Variants in DAB1 observed in about 807,000 individuals in gnomAD.
DAB1 encodes the protein DAB adaptor protein 1.
A neutral mutation model predicts 64.6 loss-of-function variants in DAB1; 15 were observed. The ratio of observed to expected loss-of-function variants is 0.23; its 90% CI spans 0.16 to 0.36. The LOEUF (loss-of-function observed/expected upper bound fraction) is 0.36. Among genes scored for constraint, DAB1 ranks in the 10% least tolerant of loss-of-function variants. DAB1 has a pLI of 1.00. For synonymous variants in DAB1, 235 were observed against 251.9 expected (o/e 0.93, Z 0.64); for missense variants, 596 against 706.7 (o/e 0.84, Z 1.78).
intron 1 of DAB1, among the ~76,000 whole-genome samples, chr1:57,851,164 T>C (rs1276248682): frequency 1.3e-5 from 2 of 152,210 alleles, no homozygotes; most frequent in Admixed American, 1.3e-4. Flanking sequence ...ATGGGTCAAA[T>C]CGAGGGTCTG....
At chr1:57,400,976 G>A (rs1452741578) in intron 1 of DAB1, among the ~76,000 whole-genome samples, 3 of 146,074 alleles carry the variant, frequency 2.1e-5, no homozygotes, top group Non-Finnish European at 3.0e-5. Context: ...CCAGTGAGAA[G>A]GGTGAAAGCT....
chr1:58,507,717 A>C (rs1234828675), intron 2 of DAB1, among the ~76,000 whole-genome samples: 1 of 152,136 alleles, frequency 6.6e-6, no homozygotes, highest in Non-Finnish European at 1.5e-5. Context: ...ATATGTATGT[A>C]ACATATGTAT....
At chr1:58,211,735 T>C (rs1658560866) in intron 4 of DAB1, among the ~76,000 whole-genome samples, 1 of 152,190 alleles carries the variant, frequency 6.6e-6, no homozygotes, top group Non-Finnish European at 1.5e-5. Context: ...TTCTCCTTTT[T>C]TGGATAAAAA....
At position 58,387,719 on chromosome 1, in the gene DAB1, TTTC is replaced by T. The variant is rs1215127062; in HGVS notation, n.258-44319_258-44317del. Among the ~76,000 whole-genome samples, 394 of 86,700 alleles carry T rather than the reference TTTC, an allele frequency of 4.5e-3. 8 individuals are homozygous for T. Among genetic ancestry groups the T allele is most frequent in the African/African-American group, 0.019 (312 of 16,688 alleles). 56.9% of individuals were successfully genotyped at this position (86,700 alleles called of 152,430 possible). On this transcript the variant is annotated intron_variant and non_coding_transcript_variant, in intron 3 of 20. Transcript: ENST00000485760. ...GGGAGGGCATCTTTTTTTCTTTTCT[TTTC>T]TTTTTTTTTTTTTTTTTTTTGAGAC...
intron 14 of DAB1, among the ~76,000 whole-genome samples, chr1:57,009,604 C>T (rs1646201679): frequency 6.6e-6 from 1 of 152,124 alleles, no homozygotes; most frequent in Admixed American, 6.5e-5. Context: ...AAACTGTTTA[C>T]CATTTTAATG....
chr1:57,014,326 G>C (rs1646356393), intron 12 of DAB1, among the ~76,000 whole-genome samples: 1 of 152,148 alleles, frequency 6.6e-6, no homozygotes, highest in African/African-American at 2.4e-5. Context: ...AACTATAAAA[G>C]CTATTTAAGA....
intron 5 of DAB1, chr1:58,049,225 A>C (rs1431402778): frequency 2.6e-6 from 2 of 766,598 alleles, no homozygotes; most frequent in African/African-American, 3.4e-5. Flanking sequence ...GTGGTGTCAA[A>C]GCTCAGCCCT....
intron 4 of DAB1, among the ~76,000 whole-genome samples, chr1:57,098,403 G>T (rs1301518623): frequency 1.3e-5 from 2 of 152,140 alleles, no homozygotes; most frequent in African/African-American, 2.4e-5. Context: ...ACTCATAAGG[G>T]TTCAGGTAGA....
chr1:57,247,559 T>A (rs1668980058), intron 2 of DAB1, among the ~76,000 whole-genome samples: 1 of 152,184 alleles, frequency 6.6e-6, no homozygotes, highest in African/African-American at 2.4e-5. Flanking sequence ...TATTTTGTAT[T>A]TTCATGAATT....
chr1:57,871,289 T>C (rs1451792290), intron 1 of DAB1, among the ~76,000 whole-genome samples: 1 of 152,156 alleles, frequency 6.6e-6, no homozygotes, highest in Non-Finnish European at 1.5e-5. Context: ...TAAGAGGTAA[T>C]AATAGTTTCA....
At chr1:57,290,080 A>C (rs1247131357) in intron 2 of DAB1, among the ~76,000 whole-genome samples, 1 of 152,222 alleles carries the variant, frequency 6.6e-6, no homozygotes, top group African/African-American at 2.4e-5. Flanking sequence ...CGAAACATCT[A>C]GCTCCAAAGG....
At chr1:57,059,228 C>A (rs575738525) in intron 9 of DAB1, among the ~76,000 whole-genome samples, 1 of 152,230 alleles carries the variant, frequency 6.6e-6, no homozygotes, top group South Asian at 2.1e-4. Flanking sequence ...GTATTATTTT[C>A]TTTTGGTAGA....
At chr1:58,147,612 C>CA (rs71051268) in intron 5 of DAB1, among the ~76,000 whole-genome samples, 10,751 of 136,068 alleles carry the variant, frequency 0.079, 412 homozygotes, top group Admixed American at 0.1. Context: ...GACTCCATCT[C>CA]AAAAAAAAAA....
intron 5 of DAB1, among the ~76,000 whole-genome samples, chr1:57,925,692 G>A (rs866659554): frequency 1.3e-5 from 2 of 152,262 alleles, no homozygotes; most frequent in South Asian, 4.1e-4. Flanking sequence ...CCCAAAGACG[G>A]AAAATGACTC....
At chr1:57,733,125 T>TA (rs904824598) in intron 6 of DAB1, among the ~76,000 whole-genome samples, 2 of 152,000 alleles carry the variant, frequency 1.3e-5, no homozygotes, top group Non-Finnish European at 2.9e-5. Flanking sequence ...AAAGTGAAGA[T>TA]AAGGAAATCA....
intron 7 of DAB1, among the ~76,000 whole-genome samples, chr1:57,496,988 C>A (rs1365778409): frequency 6.6e-6 from 1 of 152,214 alleles, no homozygotes; most frequent in Non-Finnish European, 1.5e-5. Context: ...CCACACTGAC[C>A]TTTCAGCTGC....
At chr1:58,226,885 T>C (rs997164496) in intron 4 of DAB1, among the ~76,000 whole-genome samples, 2 of 152,192 alleles carry the variant, frequency 1.3e-5, no homozygotes, top group Admixed American at 1.3e-4. Flanking sequence ...TCTGGCACAG[T>C]GTCCACCAAT....
intron 6 of DAB1, among the ~76,000 whole-genome samples, chr1:57,783,012 T>TCCTC (rs1650174947): frequency 7.5e-6 from 1 of 133,450 alleles, no homozygotes; most frequent in Admixed American, 7.5e-5. Context: ...CTTCCTTCCT[T>TCCTC]CCTCTTCCCT....
rs72912310 is a variant in DAB1, at chr1:58,265,654, T to C, written n.309+77698A>G. 7.1e-3 allele frequency among the ~76,000 whole-genome samples: 1,085 copies of C among 152,242 alleles called. 15 individuals are homozygous for C. Among genetic ancestry groups the C allele is most frequent in the African/African-American group, 0.024 (1,013 of 41,538 alleles). On this transcript the variant is annotated intron_variant and non_coding_transcript_variant, in intron 4 of 20. Transcript: ENST00000485760. ...TGTGAATTTTCTACTTTAAATAACC[T>C]AATATTTCCCTACACCTCAGTCAAA...
Sources: gnomAD v4.1 joint callset for allele counts (sites outside exome capture counted in the v4.1 genomes callset) on GRCh38, gnomAD v4.1.1 for gene constraint, MANE v1.5 for transcripts, NCBI Gene and HGNC (gene_info 2026-07-23, HGNC 2026-07-21) for gene names.